Variants in DHRSX observed in about 807,000 individuals in gnomAD.
DHRSX encodes dehydrogenase/reductase X-linked.
A neutral mutation model predicts 34.0 loss-of-function variants in DHRSX; 31 were observed. The observed-to-expected ratio is 0.91, with a 90% confidence interval of 0.69 to 1.23. DHRSX has a LOEUF of 1.23. DHRSX is among the 50% of genes most tolerant of loss of function. The pLI, the probability that DHRSX is intolerant of heterozygous loss-of-function variation, is 0.00. For synonymous variants in DHRSX, 201 were observed against 183.8 expected, an observed-to-expected ratio of 1.09 and a Z score of -0.76; for missense variants, 414 against 428.1, an observed-to-expected ratio of 0.97 and a Z score of 0.29.
intron 5 of DHRSX, among the ~76,000 whole-genome samples, chrX:2,259,379 TATATATAGATATATAGATATATATATAG>T (rs1266475159): frequency 1.5e-5 from 1 of 67,358 alleles, no homozygotes; most frequent in African/African-American, 7.4e-5. Flanking sequence ...TATATAGATA[TATATATAGATATATAGATATATATATAG>T]ATATAGATAT....
chrX:2,229,623 G>A (rs953943340), intron 6 of DHRSX, among the ~76,000 whole-genome samples: 4 of 151,952 alleles, frequency 2.6e-5, no homozygotes, highest in Non-Finnish European at 5.9e-5. Context: ...TGTACTTGTG[G>A]GTAGATGTGT....
intron 1 of DHRSX, among the ~76,000 whole-genome samples, chrX:2,455,866 G>T (rs2044289838): frequency 6.6e-6 from 1 of 151,668 alleles, no homozygotes. Context: ...GGAAATCAGG[G>T]ATTTCCAGAG....
At chrX:2,423,419 A>C (rs865872219) in intron 2 of DHRSX, among the ~76,000 whole-genome samples, 1 of 140,782 alleles carries the variant, frequency 7.1e-6, no homozygotes, top group South Asian at 2.3e-4. Context: ...CTCAAAAAAA[A>C]CAATAATAAA....
intron 1 of DHRSX, among the ~76,000 whole-genome samples, chrX:2,426,129 G>T (rs2043843931): frequency 6.6e-6 from 1 of 152,090 alleles, no homozygotes; most frequent in Admixed American, 6.5e-5. Flanking sequence ...GGATTCGCTA[G>T]CTATGGGAGG....
chrX:2,303,789 AT>A (rs2042046506), intron 3 of DHRSX, among the ~76,000 whole-genome samples: 1 of 73,056 alleles, frequency 1.4e-5, no homozygotes, highest in Admixed American at 1.6e-4. Flanking sequence ...GGATGGATGG[AT>A]GGGTGGGTGG....
At chrX:2,265,771 A>C (rs2041451916) in intron 5 of DHRSX, among the ~76,000 whole-genome samples, 1 of 143,094 alleles carries the variant, frequency 7.0e-6, no homozygotes, top group Non-Finnish European at 1.5e-5. Context: ...TGGCAGACGC[A>C]GGGAGCACTG....
chrX:2,366,729 G>C (rs1569494204), intron 3 of DHRSX, among the ~76,000 whole-genome samples: 2 of 151,772 alleles, frequency 1.3e-5, no homozygotes, highest in African/African-American at 4.8e-5. Context: ...TCTTGAGAGG[G>C]AGACCAGAAG....
At chrX:2,452,153 G>A (rs186251914) in intron 1 of DHRSX, among the ~76,000 whole-genome samples, 2 of 152,160 alleles carry the variant, frequency 1.3e-5, no homozygotes, top group East Asian at 1.9e-4. Context: ...ACACACTGAA[G>A]ACATTCCCTA....
At chrX:2,467,962 C>CAAA (rs746652058) in intron 1 of DHRSX, among the ~76,000 whole-genome samples, 66 of 84,232 alleles carry the variant, frequency 7.8e-4, no homozygotes, top group African/African-American at 3.1e-3. Context: ...AACTCCGTCT[C>CAAA]AAAAAAAAAA....
intron 1 of DHRSX, among the ~76,000 whole-genome samples, chrX:2,484,687 C>T (rs1406298892): frequency 2.0e-5 from 3 of 152,224 alleles, no homozygotes; most frequent in South Asian, 2.1e-4. Flanking sequence ...GTGAGCCCCA[C>T]GATTTGACGG....
intron 6 of DHRSX, among the ~76,000 whole-genome samples, chrX:2,229,850 G>A (rs1042573952): frequency 2.0e-5 from 3 of 152,158 alleles, no homozygotes; most frequent in African/African-American, 2.4e-5. Flanking sequence ...CTTGAGGGAT[G>A]TGTATTGTAT....
At chrX:2,359,802 C>T (rs939911298) in intron 3 of DHRSX, among the ~76,000 whole-genome samples, 6 of 152,100 alleles carry the variant, frequency 3.9e-5, no homozygotes, top group Non-Finnish European at 1.5e-5. Context: ...AGGCGATTAT[C>T]CTCAGCAAAC....
chrX:2,401,232 T>A (rs2043482407), intron 3 of DHRSX, among the ~76,000 whole-genome samples: 1 of 149,304 alleles, frequency 6.7e-6, no homozygotes, highest in African/African-American at 2.5e-5. Context: ...TGCCTCAGCC[T>A]CCTGAGTAGC....
intron 4 of DHRSX, among the ~76,000 whole-genome samples, chrX:2,273,529 G>A (rs1033973452): frequency 3.3e-5 from 5 of 152,188 alleles, no homozygotes; most frequent in Non-Finnish European, 7.3e-5. Context: ...ATACGGAATA[G>A]AGGAATACAC....
At chrX:2,256,474 T>G (rs1018736008) in intron 5 of DHRSX, among the ~76,000 whole-genome samples, 3 of 152,032 alleles carry the variant, frequency 2.0e-5, no homozygotes, top group Admixed American at 6.6e-5. Flanking sequence ...TTTTGCATTT[T>G]TAGTAGAGAC....
At chrX:2,307,167 C>G (rs1844210468) in intron 3 of DHRSX, among the ~76,000 whole-genome samples, 1 of 152,072 alleles carries the variant, frequency 6.6e-6, no homozygotes, top group South Asian at 2.1e-4. Flanking sequence ...AGCAGCAACA[C>G]AGATGCAGCT....
chrX:2,311,566 G>A (rs1388949197), intron 3 of DHRSX, among the ~76,000 whole-genome samples: 5 of 152,068 alleles, frequency 3.3e-5, no homozygotes, highest in African/African-American at 1.2e-4. Context: ...TGACCCACCC[G>A]CGAGGCAAAG....
chrX:2,264,709 G>A (rs1307343849), intron 5 of DHRSX, among the ~76,000 whole-genome samples: 1 of 150,310 alleles, frequency 6.7e-6, no homozygotes, highest in Admixed American at 6.6e-5. Flanking sequence ...AGTAGACACA[G>A]AGAGCAGTGT....
In DHRSX at chrX:2,376,219, C is replaced by T. The variant is rs186925609; in HGVS notation, c.286+32526G>A. Among the ~76,000 whole-genome samples the T allele has an allele frequency of 2.9e-4, 40 of 137,454 alleles. 6 individuals are homozygous for T. Among genetic ancestry groups the T allele is most frequent in the Admixed American group, 2.6e-3 (36 of 13,704 alleles). 90.2% of individuals were successfully genotyped at this position (137,454 alleles called of 152,430 possible). A position where few individuals can be genotyped will look rare whatever the true frequency, so the allele number is the denominator to read the frequency against. On this transcript the variant is annotated intron_variant, in intron 3 of 6. Coordinates refer to ENST00000334651, the MANE Select transcript of DHRSX (RefSeq NM_145177.3). ...AGGGTGGCTGGGGCCAATTGCAGTA[C>T]GGATCTGAGGCATTGTAGATGGCAA...
Sources: allele counts gnomAD v4.1 joint callset (sites outside exome capture counted in the v4.1 genomes callset), GRCh38; gene constraint gnomAD v4.1.1; transcripts MANE v1.5; gene names NCBI Gene and HGNC (gene_info 2026-07-23, HGNC 2026-07-21).